The following SCGB1D1 variants were observed in gnomAD, a reference collection of about 807,000 sequenced individuals.
The protein encoded by SCGB1D1 is secretoglobin family 1D member 1, also known as lipophilin A (uteroglobin family member).
In SCGB1D1, 10 loss-of-function variants were observed where a neutral mutation model predicts 8.3. The observed-to-expected ratio is 1.21, with a 90% CI of 0.74 to 2.05. The LOEUF is 2.05. Among genes scored for constraint, SCGB1D1 ranks in the 30% most tolerant of loss-of-function variants. The pLI is 0.00. For synonymous variants in SCGB1D1, 46 were observed against 41.7 expected (o/e 1.10, Z -0.39); for missense variants, 94 against 105.1 (o/e 0.89, Z 0.46).
intron 1 of SCGB1D1, 121 bp downstream of exon 1, chr11:62,190,460 T>C: frequency 8.3e-7 from 1 of 1,201,906 alleles, no homozygotes; most frequent in Non-Finnish European, 1.2e-6. Flanking sequence ...AACCTTATCC[T>C]GTGCTTGTTG....
chr11:62,192,017 T>A (rs771144143), intron 1 of SCGB1D1, 39 bp from the exon 2 acceptor site: 15 of 1,550,950 alleles, frequency 9.7e-6, no homozygotes, highest in Admixed American at 1.9e-5. Context: ...GAAACACTGA[T>A]TTCCTTACAC....
rs186845202 is a variant in SCGB1D1, at chr11:62,191,999, G to C, written c.56-57G>C. On this transcript the variant is annotated intron_variant, in intron 1 of 2. Coordinates refer to ENST00000306238, the MANE Select transcript of SCGB1D1 (RefSeq NM_006552.2). ...TCCTGTCTGGTCTGACATCAGGGAG[G>C]CATGGGAGAAACACTGATTTCCTTA... 1.0e-3 allele frequency: 1,456 copies of C among 1,459,082 alleles called. 2 individuals are homozygous for C. Among genetic ancestry groups the C allele is most frequent in the Admixed American group, 1.6e-3 (78 of 48,488 alleles). The allele number at this position is 1,459,082 out of a possible 1,614,324, so 90.4% of individuals were successfully genotyped here. A position where few individuals can be genotyped will look rare whatever the true frequency, so the allele number is the denominator to read the frequency against.
At position 62,190,315 on chromosome 11, in the gene SCGB1D1, A is replaced by T. The variant is rs1944668919; in HGVS notation, c.31A>T (p.Thr11Ser). 1.2e-6 allele frequency: 2 copies of T among 1,614,016 alleles called. No homozygotes were observed. The highest frequency in any genetic ancestry group is 1.1e-5 in the South Asian group (1 of 91,084). Residue 11 changes from threonine to serine, a missense_variant, in exon 1 of 3, where the codon ACG (threonine) becomes TCG (serine). Thr to Ser is a moderately conservative substitution (Grantham distance 58, BLOSUM62 1). Coordinates refer to ENST00000306238, the MANE Select transcript of SCGB1D1 (RefSeq NM_006552.2). ...GCTGTCGGTGTGTCTCCTGCTGCTC[A>T]CGCTGGCCCTTTGCTGCTACCGGGG... The part of the protein sequence containing the change: MRLSVCLLLL[T>S]LALCCYRANA...
intron 2 of SCGB1D1, 118 bp downstream of exon 2, chr11:62,192,361 C>T (rs1466367243): frequency 2.3e-6 from 2 of 873,418 alleles, no homozygotes; most frequent in East Asian, 2.5e-5. Context: ...CCTTACTGGT[C>T]ACCGCTTGAG....
intron 1 of SCGB1D1, among the ~76,000 whole-genome samples, chr11:62,191,298 T>C (rs1010406492): frequency 1.3e-5 from 2 of 152,114 alleles, no homozygotes; most frequent in African/African-American, 4.8e-5. Context: ...GCAAAAGACT[T>C]AGGTGAATGG....
intron 2 of SCGB1D1, 62 bp from the exon 3 acceptor site, chr11:62,193,337 C>G (rs7951859): frequency 6.8e-7 from 1 of 1,480,046 alleles, no homozygotes. Context: ...TGGATGTTAA[C>G]CTGTTGTCTC....
In SCGB1D1 at chr11:62,191,193, G is replaced by A. The variant is rs556157416; in HGVS notation, c.55+854G>A. ...TCTCCCTGTTTCCCTGTGACACCCC[G>A]ATCCTACCCTCTCCAAATTCTCCCC... On this transcript the variant is annotated intron_variant, in intron 1 of 2. Transcript: ENST00000306238. Among the ~76,000 whole-genome samples, 163 of 152,002 alleles carry A rather than the reference G, an allele frequency of 1.1e-3. 1 individual carries two copies. The highest frequency in any genetic ancestry group is 3.7e-3 in the African/African-American group (154 of 41,468).
In SCGB1D1 at chr11:62,193,439, GT is replaced by G. The variant is rs771885129; in HGVS notation, c.*16del. The stretch of plus-strand genomic sequence containing the variant: ...AAATGTGATCGCTGAGATGTAAAAA[GT>G]TTTTAATGCTAGTTTCCACCATCTT... On this transcript the variant is annotated 3_prime_UTR_variant, in exon 3 of 3. Coordinates refer to ENST00000306238, the MANE Select transcript of SCGB1D1 (RefSeq NM_006552.2). 2.6e-5 allele frequency: 42 copies of G among 1,609,112 alleles called. No individual in the cohort carries two copies. The South Asian group carries it at 4.6e-4, about 18-fold the overall frequency.
At chr11:62,191,927 C>T in intron 1 of SCGB1D1, 129 bp from the exon 2 acceptor site, 1 of 781,034 alleles carries the variant, frequency 1.3e-6, no homozygotes, top group East Asian at 2.7e-5. Context: ...CTGGGTCTGA[C>T]ATTGTCATTG....
chr11:62,190,481 T>A, intron 1 of SCGB1D1, 142 bp downstream of exon 1: 1 of 986,116 alleles, frequency 1.0e-6, no homozygotes, highest in Non-Finnish European at 1.5e-6. Context: ...AAGGAACTGC[T>A]CATAAAGCTC....
At chr11:62,193,257 T>G (rs1347414628) in intron 2 of SCGB1D1, 142 bp from the exon 3 acceptor site, 7 of 697,480 alleles carry the variant, frequency 1.0e-5, no homozygotes, top group Non-Finnish European at 1.7e-5. Flanking sequence ...TAGGCCCTGG[T>G]TTCCCACACA....
At chr11:62,191,821 T>TA (rs142639806) in intron 1 of SCGB1D1, among the ~76,000 whole-genome samples, 44 of 149,280 alleles carry the variant, frequency 2.9e-4, no homozygotes, top group South Asian at 1.9e-3. Context: ...GAGTGTGCTT[T>TA]AAAAAAAAAA....
chr11:62,192,151 G>A lies in SCGB1D1; in HGVS notation c.151G>A (p.Ala51Thr). The change falls in exon 2 of 3, where the codon GCA (alanine) becomes ACA (threonine). Residue 51 changes from alanine (A) to threonine (T), a missense_variant. Coordinates refer to ENST00000306238, the MANE Select transcript of SCGB1D1 (RefSeq NM_006552.2). ...CAAGTTCCAACTTGCCAAATTTAAG[G>A]CACCTCTGGAAGCTGTTGCAGCCAA... ...VFKFQLAKFK[A>T]PLEAVAAKME... 1 of 1,613,900 alleles carries A rather than the reference G, an allele frequency of 6.2e-7. No homozygotes were observed. Among genetic ancestry groups the A allele is most frequent in the South Asian group, 1.1e-5 (1 of 91,056 alleles).
Position 62,193,473 on chromosome 11 carries a change from T to C in SCGB1D1, c.*45T>C, listed in dbSNP as rs370083682. ...GCTAGTTTCCACCATCTTTCAATGA[T>C]ACCCTGATCTTCACTGCAGAATGTA... is the stretch of plus-strand genomic sequence containing the variant. On this transcript the variant is annotated 3_prime_UTR_variant, in exon 3 of 3. Transcript: ENST00000306238. The C allele has an allele frequency of 6.6e-7, 1 of 1,504,286 alleles. No homozygotes were observed. Among genetic ancestry groups the C allele is most frequent in the African/African-American group, 1.4e-5 (1 of 72,592 alleles). 93.2% of individuals were successfully genotyped at this position (1,504,286 alleles called of 1,614,324 possible). A position where few individuals can be genotyped will look rare whatever the true frequency, so the allele number is the denominator to read the frequency against.
In SCGB1D1 at chr11:62,192,211, T is replaced by A. The variant is rs780257526; in HGVS notation, c.211T>A (p.Tyr71Asn). Residue 71 changes from tyrosine (Y) to asparagine (N), a missense_variant, in exon 2 of 3, where the codon TAT (tyrosine) becomes AAT (asparagine). Tyr to Asn is a moderately radical substitution (Grantham distance 143). Transcript: ENST00000306238. ...EVKKCVDTMA[Y>N]EKRVLITKTL... ...GAAGAAATGCGTGGATACGATGGCC[T>A]ATGAGAAAAGAGTGCTAATTACAAA... is the stretch of plus-strand genomic sequence containing the variant. The A allele has an allele frequency of 1.2e-6, 2 of 1,612,710 alleles. No individual in the cohort carries two copies. Among genetic ancestry groups the A allele is most frequent in the Non-Finnish European group, 1.7e-6 (2 of 1,178,934 alleles).
chr11:62,193,402 A>G lies in SCGB1D1; in HGVS notation c.247A>G (p.Lys83Glu), dbSNP rs1250495432. ...TTTCTTTCCTTTTCTATTTCAGGGA[A>G]AAATAGCAGAGAAATGTGATCGCTG... ...KRVLITKTLGKIAEKCDR is the reference protein window; with the variant it reads ...KRVLITKTLGEIAEKCDR Residue 83 changes from lysine to glutamate, a missense_variant, in exon 3 of 3, where the codon AAA (lysine) becomes GAA (glutamate). By Grantham distance (56) the Lys-to-Glu change is moderately conservative. Transcript: ENST00000306238. 1.2e-6 allele frequency: 2 copies of G among 1,612,646 alleles called. No individual in the cohort carries two copies. Among genetic ancestry groups the G allele is most frequent in the East Asian group, 2.2e-5 (1 of 44,822 alleles).
intron 2 of SCGB1D1, among the ~76,000 whole-genome samples, chr11:62,192,604 A>T (rs556538544): frequency 6.6e-6 from 1 of 152,222 alleles, no homozygotes; most frequent in Non-Finnish European, 1.5e-5. Context: ...GACCTCACAC[A>T]GTCACTGTGG....
chr11:62,190,318 C>G lies in SCGB1D1; in HGVS notation c.34C>G (p.Leu12Val), dbSNP rs748182174. The change falls in exon 1 of 3, where the codon CTG becomes GTG. Residue 12 changes from leucine to valine, a missense_variant. By Grantham distance (32) the Leu-to-Val change is conservative. Transcript: ENST00000306238. ...RLSVCLLLLT[L>V]ALCCYRANAV... ...GTCGGTGTGTCTCCTGCTGCTCACG[C>G]TGGCCCTTTGCTGCTACCGGGGTGA... 8 of 1,614,196 alleles carry G rather than the reference C, an allele frequency of 5.0e-6. No individual in the cohort carries two copies. The South Asian group carries it at 7.7e-5, about 16-fold the overall frequency.
Position 62,192,216 on chromosome 11 carries a change from G to C in SCGB1D1, c.216G>C (p.Glu72Asp), listed in dbSNP as rs1451301600. The change falls in exon 2 of 3, where the codon GAG (glutamate) becomes GAC (aspartate). Residue 72 changes from glutamate to aspartate, a missense_variant. Glu to Asp is a conservative substitution (Grantham distance 45). Transcript: ENST00000306238. ...AATGCGTGGATACGATGGCCTATGA[G>C]AAAAGAGTGCTAATTACAAAAACAT... The part of the protein sequence containing the change: ...VKKCVDTMAY[E>D]KRVLITKTLG... The C allele has an allele frequency of 6.2e-7, 1 of 1,611,810 alleles. No homozygotes were observed. The highest frequency in any genetic ancestry group is 1.1e-5 in the South Asian group (1 of 90,922).
Sources: allele counts gnomAD v4.1 joint callset (sites outside exome capture counted in the v4.1 genomes callset), GRCh38; gene constraint gnomAD v4.1.1; transcripts MANE v1.5; gene names NCBI Gene and HGNC (gene_info 2026-07-23, HGNC 2026-07-21).